ZCCHC7: variants seen among roughly 807,000 people sequenced by gnomAD.
The protein encoded by ZCCHC7 is zinc finger CCHC domain-containing protein 7.
A neutral mutation model predicts 52.0 loss-of-function variants in ZCCHC7; 35 were observed. That is an observed-to-expected ratio of 0.67 (90% CI 0.51 to 0.89). The LOEUF is 0.89. Ranked by LOEUF, ZCCHC7 falls within the 40% of genes least tolerant of loss-of-function variation. ZCCHC7 has a pLI of 0.00. For synonymous variants in ZCCHC7, 217 were observed against 221.5 expected (o/e 0.98, Z 0.18); for missense variants, 574 against 649.1 (o/e 0.88, Z 1.26).
intron 5 of ZCCHC7, among the ~76,000 whole-genome samples, chr9:37,323,944 G>A (rs761076905): frequency 7.9e-5 from 12 of 152,094 alleles, no homozygotes; most frequent in Non-Finnish European, 1.5e-4. Flanking sequence ...GAGTAGGGGC[G>A]TTCTTTTTAA....
chr9:37,195,875 A>T (rs1823263706), intron 2 of ZCCHC7, among the ~76,000 whole-genome samples: 1 of 152,216 alleles, frequency 6.6e-6, no homozygotes, highest in Admixed American at 6.5e-5. Flanking sequence ...TAGAGTCACC[A>T]CGATTTAATG....
chr9:37,190,926 G>GT (rs1252615653), intron 2 of ZCCHC7, among the ~76,000 whole-genome samples: 1 of 152,006 alleles, frequency 6.6e-6, no homozygotes, highest in African/African-American at 2.4e-5. Context: ...GGTGGCTGAG[G>GT]TGGGAGAATT....
chr9:37,301,608 A>C (rs1403228295), intron 2 of ZCCHC7, among the ~76,000 whole-genome samples: 2 of 152,174 alleles, frequency 1.3e-5, no homozygotes, highest in African/African-American at 2.4e-5. Context: ...TCCAAAAAAA[A>C]CAAGAAGTAA....
At chr9:37,304,619 G>A (rs145910852) in intron 4 of ZCCHC7, among the ~76,000 whole-genome samples, 1 of 151,146 alleles carries the variant, frequency 6.6e-6, no homozygotes, top group African/African-American at 2.4e-5. Context: ...TCACACCATT[G>A]CACTCCAGCC....
intron 7 of ZCCHC7, among the ~76,000 whole-genome samples, chr9:37,352,682 ATTT>A (rs34360630): frequency 2.1e-4 from 29 of 136,748 alleles, no homozygotes; most frequent in African/African-American, 6.8e-4. Flanking sequence ...ACACCTGGCT[ATTT>A]TTTTTTTTTT....
intron 5 of ZCCHC7, among the ~76,000 whole-genome samples, chr9:37,309,404 G>A (rs766341629): frequency 1.3e-5 from 2 of 152,144 alleles, no homozygotes; most frequent in African/African-American, 2.4e-5. Flanking sequence ...CTCATCTTCC[G>A]TGACCCTGAA....
intron 5 of ZCCHC7, among the ~76,000 whole-genome samples, chr9:37,312,881 T>C (rs917047211): frequency 6.6e-6 from 1 of 152,138 alleles, no homozygotes; most frequent in Non-Finnish European, 1.5e-5. Context: ...ATCTACTTAA[T>C]GAAAATGAGA....
intron 2 of ZCCHC7, among the ~76,000 whole-genome samples, chr9:37,260,050 G>T (rs964146864): frequency 1.3e-5 from 2 of 152,200 alleles, no homozygotes; most frequent in African/African-American, 2.4e-5. Context: ...ATGCCTTGAT[G>T]AATTCTGATA....
intron 6 of ZCCHC7, among the ~76,000 whole-genome samples, chr9:37,342,150 G>A (rs1486053253): frequency 2.0e-5 from 3 of 152,136 alleles, no homozygotes; most frequent in African/African-American, 7.2e-5. Flanking sequence ...GACCAGGACA[G>A]TACTGGTAGA....
intron 2 of ZCCHC7, among the ~76,000 whole-genome samples, chr9:37,187,234 C>T (rs1172957796): frequency 6.6e-6 from 1 of 152,166 alleles, no homozygotes; most frequent in African/African-American, 2.4e-5. Context: ...CTTTTTGACA[C>T]CAAGGACCAG....
At chr9:37,290,349 G>A (rs1297958669) in intron 2 of ZCCHC7, among the ~76,000 whole-genome samples, 1 of 151,970 alleles carries the variant, frequency 6.6e-6, no homozygotes, top group Non-Finnish European at 1.5e-5. Flanking sequence ...TATTTTGAGT[G>A]TTTCTAACTA....
chr9:37,346,662 G>C (rs559029024), intron 6 of ZCCHC7, among the ~76,000 whole-genome samples: 3 of 152,214 alleles, frequency 2.0e-5, no homozygotes, highest in Admixed American at 2.0e-4. Context: ...GCGACAAAGC[G>C]AGACGCTGTC....
At chr9:37,268,628 G>A (rs764195828) in intron 2 of ZCCHC7, among the ~76,000 whole-genome samples, 23 of 151,980 alleles carry the variant, frequency 1.5e-4, no homozygotes, top group Admixed American at 1.1e-3. Context: ...GGGTTTCACC[G>A]TGTTAGCCAG....
At chr9:37,139,864 A>G (rs1269221008) in intron 2 of ZCCHC7, among the ~76,000 whole-genome samples, 6 of 152,036 alleles carry the variant, frequency 3.9e-5, no homozygotes, top group African/African-American at 7.2e-5. Flanking sequence ...TGCTTGCAAC[A>G]GAATTATCTA....
chr9:37,123,302 C>A (rs920681210), intron 1 of ZCCHC7, among the ~76,000 whole-genome samples: 3 of 151,754 alleles, frequency 2.0e-5, no homozygotes, highest in Non-Finnish European at 4.4e-5. Flanking sequence ...TTCATTTGAA[C>A]GTAATTAAAG....
At chr9:37,317,681 C>T (rs779442006) in intron 5 of ZCCHC7, among the ~76,000 whole-genome samples, 6 of 151,764 alleles carry the variant, frequency 4.0e-5, no homozygotes, top group Admixed American at 1.3e-4. Context: ...AGGAAACTCA[C>T]GTAGTATAAC....
At chr9:37,305,854 CATG>C in intron 5 of ZCCHC7, 140 bp downstream of exon 5, 1 of 806,378 alleles carries the variant, frequency 1.2e-6, no homozygotes, top group Non-Finnish European at 1.8e-6. Flanking sequence ...TATATATAGT[CATG>C]TCCATTTTGT....
rs1448543590 is a variant in ZCCHC7 at position 37,158,475 on chromosome 9, AAC to A, written c.610+31535_610+31536del. 5.9e-5 allele frequency among the ~76,000 whole-genome samples: 9 copies of A among 152,346 alleles called. 1 individual carries two copies. The highest frequency in any genetic ancestry group is 1.9e-4 in the African/African-American group (8 of 41,588). On this transcript the variant is annotated intron_variant, in intron 2 of 8. Coordinates refer to ENST00000336755, the MANE Select transcript of ZCCHC7 (RefSeq NM_032226.3). The stretch of plus-strand genomic sequence containing the variant: ...GTGATCAAGGAATGGATGATGTGGG[AAC>A]AGTGTGTAAGGAGTATCTGGAGGGA...
intron 6 of ZCCHC7, among the ~76,000 whole-genome samples, chr9:37,341,202 C>T (rs1468419956): frequency 6.6e-6 from 1 of 152,126 alleles, no homozygotes; most frequent in African/African-American, 2.4e-5. Flanking sequence ...ACCACATTCT[C>T]AGTGTGAAGT....
Sources: allele counts gnomAD v4.1 joint callset (sites outside exome capture counted in the v4.1 genomes callset), GRCh38; gene constraint gnomAD v4.1.1; transcripts MANE v1.5; gene names NCBI Gene and HGNC (gene_info 2026-07-23, HGNC 2026-07-21).